The following EYS variants were observed in gnomAD, a reference collection of about 807,000 sequenced individuals.
EYS encodes the protein EGF-like photoreceptor maintenance factor, also known as protein eyes shut homolog.
Under a neutral mutation model 282.1 loss-of-function variants are expected in EYS, and 250 were observed. The ratio of observed to expected loss-of-function variants is 0.89; its 90% CI spans 0.80 to 0.98. The LOEUF (loss-of-function observed/expected upper bound fraction) is 0.98. Ranked by LOEUF, EYS falls within the 50% of genes least tolerant of loss-of-function variation. EYS has a pLI of 0.00. For synonymous variants in EYS, 1,355 were observed against 1,282.9 expected, an observed-to-expected ratio of 1.06 and a Z score of -1.20; for missense variants, 4,016 against 3,709.0, an observed-to-expected ratio of 1.08 and a Z score of -2.15.
intron 15 of EYS, among the ~76,000 whole-genome samples, chr6:64,926,748 G>GT (rs2150084742): frequency 6.6e-6 from 1 of 152,176 alleles, no homozygotes; most frequent in South Asian, 2.1e-4. Flanking sequence ...TTTCTAAGTA[G>GT]GTGAGGTATA....
intron 12 of EYS, among the ~76,000 whole-genome samples, chr6:65,180,269 C>T (rs951351843): frequency 6.6e-6 from 1 of 151,960 alleles, no homozygotes; most frequent in African/African-American, 2.4e-5. Context: ...TCAAATTGTC[C>T]CTGTTTGCAG....
intron 12 of EYS, among the ~76,000 whole-genome samples, chr6:65,180,012 A>T (rs555616356): frequency 6.6e-6 from 1 of 152,242 alleles, no homozygotes; most frequent in East Asian, 1.9e-4. Flanking sequence ...AACAACCTTC[A>T]TGCTAAAAAA....
intron 2 of EYS, among the ~76,000 whole-genome samples, chr6:65,631,595 CA>C (rs1766914571): frequency 1.3e-5 from 2 of 152,034 alleles, no homozygotes; most frequent in Non-Finnish European, 2.9e-5. Flanking sequence ...TGAACAAGCA[CA>C]AATACTGTCA....
intron 19 of EYS, among the ~76,000 whole-genome samples, chr6:64,860,098 C>T (rs1320874070): frequency 6.6e-6 from 1 of 152,154 alleles, no homozygotes; most frequent in African/African-American, 2.4e-5. Context: ...TCCAGTGGTG[C>T]ATCTTATATA....
intron 26 of EYS, among the ~76,000 whole-genome samples, chr6:64,545,042 C>T (rs1764810111): frequency 6.6e-6 from 1 of 152,122 alleles, no homozygotes; most frequent in South Asian, 2.1e-4. Context: ...CATCCTGATA[C>T]CAAAGCCTAG....
intron 8 of EYS, among the ~76,000 whole-genome samples, chr6:65,365,382 G>C (rs1300569875): frequency 1.3e-5 from 2 of 151,548 alleles, no homozygotes; most frequent in Non-Finnish European, 2.9e-5. Context: ...CTGAGCAAAA[G>C]ATAGAAAATA....
chr6:65,610,580 T>C (rs577961410), intron 2 of EYS, among the ~76,000 whole-genome samples: 1 of 152,234 alleles, frequency 6.6e-6, no homozygotes, highest in Non-Finnish European at 1.5e-5. Flanking sequence ...ACATCCTATA[T>C]ATAAAGCAAA....
chr6:65,380,138 C>G (rs1248149540), intron 8 of EYS, among the ~76,000 whole-genome samples: 1 of 151,196 alleles, frequency 6.6e-6, no homozygotes, highest in Non-Finnish European at 1.5e-5. Context: ...TCATATGCAA[C>G]AAAAAAAAGG....
At chr6:64,889,390 G>T (rs2150064832) in intron 18 of EYS, among the ~76,000 whole-genome samples, 1 of 151,970 alleles carries the variant, frequency 6.6e-6, no homozygotes, top group African/African-American at 2.4e-5. Context: ...GAAGATACAT[G>T]AAAGGATTCA....
intron 24 of EYS, among the ~76,000 whole-genome samples, chr6:64,603,207 A>G (rs188541802): frequency 2.4e-4 from 37 of 152,088 alleles, no homozygotes; most frequent in Admixed American, 2.2e-3. Flanking sequence ...GGACAAAATA[A>G]TTAGCCCCAT....
Position 63,997,335 on chromosome 6 carries a change from A to AATTC in EYS, c.6834+1739_6834+1740insGAAT, listed in dbSNP as rs1427442807. ...GGCCCTGAAGGCTGTAATATACCGT[A>AATTC]ACTCTGGGACTGAAGTGTGTCTGAG... On this transcript the variant is annotated intron_variant, in intron 34 of 42. Coordinates refer to ENST00000503581, the MANE Select transcript of EYS (RefSeq NM_001142800.2). Among the ~76,000 whole-genome samples, 4 of 152,208 alleles carry AATTC rather than the reference A, an allele frequency of 2.6e-5. No homozygotes were observed. The East Asian group carries it at 5.8e-4, about 22-fold the overall frequency.
intron 29 of EYS, among the ~76,000 whole-genome samples, chr6:64,363,567 T>C (rs1009093306): frequency 1.8e-4 from 20 of 112,956 alleles, no homozygotes; most frequent in African/African-American, 6.6e-4. Context: ...TTCTGCCGCT[T>C]AGAGCTGTGA....
intron 30 of EYS, among the ~76,000 whole-genome samples, chr6:64,277,630 AAGG>A (rs1480116223): frequency 6.6e-6 from 1 of 152,158 alleles, no homozygotes; most frequent in African/African-American, 2.4e-5. Context: ...CTTACCTTTC[AAGG>A]AGAACGAGTT....
At chr6:64,947,497 T>C (rs1308520492) in intron 14 of EYS, among the ~76,000 whole-genome samples, 1 of 151,832 alleles carries the variant, frequency 6.6e-6, no homozygotes, top group Non-Finnish European at 1.5e-5. Flanking sequence ...TTGACACATA[T>C]ACTAGTCTCC....
intron 31 of EYS, among the ~76,000 whole-genome samples, chr6:64,109,363 C>T (rs1355953224): frequency 1.3e-5 from 2 of 151,988 alleles, no homozygotes; most frequent in Non-Finnish European, 2.9e-5. Flanking sequence ...ATCCTTAATC[C>T]TATTCATCTG....
chr6:63,898,933 T>A (rs1773599200), intron 35 of EYS, among the ~76,000 whole-genome samples: 1 of 152,230 alleles, frequency 6.6e-6, no homozygotes. Flanking sequence ...TTTGTTCAAA[T>A]GAAATGAATA....
intron 12 of EYS, among the ~76,000 whole-genome samples, chr6:65,153,851 T>C (rs185973688): frequency 8.4e-4 from 127 of 152,010 alleles, no homozygotes; most frequent in Non-Finnish European, 1.6e-3. Flanking sequence ...AAAATATCAT[T>C]GTTAAGTAGA....
At chr6:63,933,382 C>G (rs943573038) in intron 35 of EYS, among the ~76,000 whole-genome samples, 1 of 151,944 alleles carries the variant, frequency 6.6e-6, no homozygotes, top group Non-Finnish European at 1.5e-5. Flanking sequence ...AATTTTTGTA[C>G]TTTTAGTAGA....
chr6:64,535,462 G>C (rs1764488481), intron 26 of EYS, among the ~76,000 whole-genome samples: 1 of 152,000 alleles, frequency 6.6e-6, no homozygotes, highest in Non-Finnish European at 1.5e-5. Context: ...AATCAGCCAG[G>C]CACAGTGGCT....
Sources: allele counts gnomAD v4.1 joint callset (sites outside exome capture counted in the v4.1 genomes callset), GRCh38; gene constraint gnomAD v4.1.1; transcripts MANE v1.5; gene names NCBI Gene and HGNC (gene_info 2026-07-23, HGNC 2026-07-21).